STK3: variants seen among roughly 807,000 people sequenced by gnomAD.
STK3 encodes serine/threonine kinase 3.
A neutral mutation model predicts 58.0 loss-of-function variants in STK3; 41 were observed. The observed-to-expected ratio is 0.71, with a 90% CI of 0.55 to 0.92. STK3 has a LOEUF of 0.92. Among genes scored for constraint, STK3 ranks in the 40% least tolerant of loss-of-function variants. The pLI, the probability that STK3 is intolerant of heterozygous loss-of-function variation, is 0.00. For synonymous variants in STK3, 170 were observed against 191.0 expected (o/e 0.89, Z 0.91); for missense variants, 479 against 602.7 (o/e 0.79, Z 2.15).
chr8:98,830,894 C>T (rs551254061), intron 3 of STK3, among the ~76,000 whole-genome samples: 9 of 142,520 alleles, frequency 6.3e-5, no homozygotes, highest in African/African-American at 1.6e-4. Context: ...GGCGTGAACC[C>T]GGGAGGCGAA....
chr8:98,585,766 T>G (rs1340393411), intron 7 of STK3, among the ~76,000 whole-genome samples: 14 of 152,192 alleles, frequency 9.2e-5, no homozygotes, highest in Non-Finnish European at 1.9e-4. Context: ...TCCTCTTCTA[T>G]TTTCTTGAGC....
Position 98,715,162 on chromosome 8 carries a change from C to A in STK3, c.352-7851G>T, listed in dbSNP as rs1190693432. Reference sequence around the variant, plus strand: ...TGGATTAAAGACTTACATGTTAGACCTAAAACCAGAAAAACCCTAGAAGAA... The same window carrying A: ...TGGATTAAAGACTTACATGTTAGACATAAAACCAGAAAAACCCTAGAAGAA... On this transcript the variant is annotated intron_variant, in intron 4 of 10. Coordinates refer to ENST00000419617, the MANE Select transcript of STK3 (RefSeq NM_006281.4). Among the ~76,000 whole-genome samples the A allele has an allele frequency of 1.7e-4, 26 of 152,238 alleles. No homozygotes were observed. In the East Asian group the frequency reaches 3.5e-3, roughly 20 times the overall value.
At chr8:98,827,537 T>C (rs1010762389), upstream of STK3, among the ~76,000 whole-genome samples, 8 of 152,266 alleles carry the variant, frequency 5.3e-5, no homozygotes, top group Non-Finnish European at 1.2e-4. Flanking sequence ...TGCATTATTT[T>C]AAGTTTCACT....
chr8:98,628,626 A>C (rs781331256), intron 6 of STK3, among the ~76,000 whole-genome samples: 4 of 151,956 alleles, frequency 2.6e-5, no homozygotes, highest in Non-Finnish European at 4.4e-5. Flanking sequence ...GCGCAACCCT[A>C]TCTCTACAAA....
intron 1 of STK3, among the ~76,000 whole-genome samples, chr8:98,440,304 A>C (rs1247015777): frequency 6.6e-6 from 1 of 152,200 alleles, no homozygotes; most frequent in Admixed American, 6.5e-5. Context: ...GTCTTAAGGC[A>C]AATTTCTCCC....
chr8:98,937,957 A>G (rs990882379), intron 1 of STK3, among the ~76,000 whole-genome samples: 6 of 152,242 alleles, frequency 3.9e-5, no homozygotes, highest in African/African-American at 9.6e-5. Context: ...AGAGATTACC[A>G]CATTCCTGAC....
chr8:98,609,644 G>C (rs1374850759), intron 6 of STK3, among the ~76,000 whole-genome samples: 1 of 152,146 alleles, frequency 6.6e-6, no homozygotes, highest in Non-Finnish European at 1.5e-5. Context: ...GAATGTATCA[G>C]AAAACTTAAG....
intron 4 of STK3, among the ~76,000 whole-genome samples, chr8:98,740,864 G>C (rs1464881888): frequency 6.6e-6 from 1 of 152,002 alleles, no homozygotes; most frequent in East Asian, 1.9e-4. Flanking sequence ...CACAAGCAGA[G>C]ACACACAAAG....
intron 10 of STK3, among the ~76,000 whole-genome samples, chr8:98,477,123 G>A (rs777103689): frequency 6.6e-6 from 1 of 152,116 alleles, no homozygotes; most frequent in Admixed American, 6.5e-5. Flanking sequence ...TATCTTCCTC[G>A]TTACTTCTCT....
chr8:98,481,606 T>A (rs1163230566), intron 10 of STK3, among the ~76,000 whole-genome samples: 1 of 151,772 alleles, frequency 6.6e-6, no homozygotes, highest in Admixed American at 6.6e-5. Flanking sequence ...GATGTGGGAC[T>A]GAAAAAATCA....
At chr8:98,938,651 T>C (rs943585007) in intron 1 of STK3, among the ~76,000 whole-genome samples, 7 of 152,082 alleles carry the variant, frequency 4.6e-5, no homozygotes. Context: ...AGCCTCAGGG[T>C]AATCCAGGGG....
chr8:98,449,409 C>G lies in STK3; in HGVS notation n.186-12201G>C, dbSNP rs186009483. Among the ~76,000 whole-genome samples, 86 of 152,278 alleles carry G rather than the reference C, an allele frequency of 5.6e-4. 1 individual carries two copies. Among genetic ancestry groups the G allele is most frequent in the African/African-American group, 2.1e-3 (86 of 41,560 alleles). On this transcript the variant is annotated intron_variant and non_coding_transcript_variant, in intron 1 of 3. Coordinates refer to the STK3 transcript ENST00000517832. Reference sequence around the variant, plus strand: ...ATCAGAGAAATGTAGATATATACAGCATAGAATCCTACAAACTATTAAAAC... The same window carrying G: ...ATCAGAGAAATGTAGATATATACAGGATAGAATCCTACAAACTATTAAAAC...
Position 98,706,623 on chromosome 8 carries a change from T to C in STK3, c.528A>G (p.Ala176=), listed in dbSNP as rs1463930710. 1.3e-6 allele frequency: 2 copies of C among 1,596,026 alleles called. No homozygotes were observed. Reference sequence around the variant, plus strand: ...GAGTTCCTATTACAGTATTGCGTTTTGCCATTGTATCCTGCAATAATGTTA... The same window carrying C: ...GAGTTCCTATTACAGTATTGCGTTTCGCCATTGTATCCTGCAATAATGTTA... The part of the protein sequence containing the change: ...GVAGQLTDTM[A]KRNTVIGTPF... The change falls in exon 6 of 11, where the codon GCA becomes GCG. Residue 176 remains alanine, a synonymous_variant. Coordinates refer to ENST00000419617, the MANE Select transcript of STK3 (RefSeq NM_006281.4).
chr8:98,451,091 T>C (rs1049746782), downstream of STK3, among the ~76,000 whole-genome samples: 2 of 152,184 alleles, frequency 1.3e-5, no homozygotes, highest in Non-Finnish European at 2.9e-5. Context: ...GTATCAAAAA[T>C]GCATGGGTTA....
chr8:98,764,007 CATTTTAGG>C (rs1563975810), intron 3 of STK3, among the ~76,000 whole-genome samples: 1 of 152,168 alleles, frequency 6.6e-6, no homozygotes, highest in African/African-American at 2.4e-5. Flanking sequence ...TATCTTTTAG[CATTTTAGG>C]ATCTTTTAAC....
chr8:98,865,606 C>T (rs1837107900), intron 3 of STK3, among the ~76,000 whole-genome samples: 1 of 152,074 alleles, frequency 6.6e-6, no homozygotes, highest in Non-Finnish European at 1.5e-5. Flanking sequence ...CACCTTATTC[C>T]CCCAAAGCAC....
At chr8:98,655,504 G>C (rs940581756) in intron 6 of STK3, among the ~76,000 whole-genome samples, 6 of 152,006 alleles carry the variant, frequency 3.9e-5, no homozygotes, top group African/African-American at 7.2e-5. Context: ...TTAAACTAAA[G>C]AGCTTCTGCA....
chr8:98,698,329 T>G (rs1484174834), intron 6 of STK3, among the ~76,000 whole-genome samples: 1 of 151,996 alleles, frequency 6.6e-6, no homozygotes, highest in Non-Finnish European at 1.5e-5. Flanking sequence ...TTTGCCAGTC[T>G]GTGTCTTTTA....
intron 4 of STK3, among the ~76,000 whole-genome samples, chr8:98,716,493 A>G (rs1319594116): frequency 3.9e-5 from 6 of 152,128 alleles, no homozygotes; most frequent in Non-Finnish European, 1.5e-5. Context: ...TATCTGTACA[A>G]TGAAAACTAC....
Sources: allele counts gnomAD v4.1 joint callset (sites outside exome capture counted in the v4.1 genomes callset), GRCh38; gene constraint gnomAD v4.1.1; transcripts MANE v1.5; gene names NCBI Gene and HGNC (gene_info 2026-07-23, HGNC 2026-07-21).